CNKSR3: variants seen among roughly 807,000 people sequenced by gnomAD.
CNKSR3 encodes the protein connector enhancer of kinase suppressor of ras 3.
Under a neutral mutation model 67.7 loss-of-function variants are expected in CNKSR3, and 36 were observed. That is an observed-to-expected ratio of 0.53 (90% confidence interval 0.41 to 0.70). The LOEUF (loss-of-function observed/expected upper bound fraction) is 0.70, where lower values mean the gene tolerates loss of function less well. Ranked by LOEUF, CNKSR3 falls within the 30% of genes least tolerant of loss-of-function variation. The pLI, the probability that CNKSR3 is intolerant of heterozygous loss-of-function variation, is 0.00. For missense variants in CNKSR3, 630 were observed against 695.2 expected, an observed-to-expected ratio of 0.91 and a Z score of 1.05; for synonymous variants, 281 against 271.4, an observed-to-expected ratio of 1.04 and a Z score of -0.35.
chr6:154,420,625 C>T (rs1166175857), intron 9 of CNKSR3, among the ~76,000 whole-genome samples: 134 of 131,508 alleles, frequency 1.0e-3, no homozygotes, highest in African/African-American at 3.8e-3. Flanking sequence ...GGAGGCGGAG[C>T]TTGCAGTGAG....
At position 154,505,506 on chromosome 6, in the gene CNKSR3, T is replaced by A. The variant is rs549967551; in HGVS notation, c.52+4557A>T. On this transcript the variant is annotated intron_variant, in intron 1 of 12. Transcript: ENST00000607772. ...TTTATTATTATTATTATTTTTTTTT[T>A]TTTTTTTTTGAGACAGAGTCTCACT... Among the ~76,000 whole-genome samples, 1,079 of 149,224 alleles carry A rather than the reference T, an allele frequency of 7.2e-3. 16 individuals are homozygous for A. Among genetic ancestry groups the A allele is most frequent in the African/African-American group, 0.023 (950 of 40,998 alleles).
At chr6:154,442,044 C>T (rs1385753843) in intron 3 of CNKSR3, 44 bp downstream of exon 3, 1 of 1,518,106 alleles carries the variant, frequency 6.6e-7, no homozygotes, top group African/African-American at 1.4e-5. Flanking sequence ...AGCTTGGACT[C>T]TATCTACTCT....
At chr6:154,438,427 C>G (rs1237603773) in intron 4 of CNKSR3, among the ~76,000 whole-genome samples, 1 of 151,978 alleles carries the variant, frequency 6.6e-6, no homozygotes, top group African/African-American at 2.4e-5. Context: ...TTATGGTAAC[C>G]ATTTATCTTC....
At chr6:154,428,712 G>T (rs1256435729) in intron 6 of CNKSR3, among the ~76,000 whole-genome samples, 1 of 150,990 alleles carries the variant, frequency 6.6e-6, no homozygotes, top group Non-Finnish European at 1.5e-5. Context: ...ATAGAGAAAG[G>T]ATCTCACTAT....
intron 6 of CNKSR3, among the ~76,000 whole-genome samples, chr6:154,430,189 T>G (rs923666617): frequency 7.2e-5 from 11 of 152,202 alleles, no homozygotes; most frequent in Admixed American, 6.5e-4. Context: ...CTTTCCTTTG[T>G]GTAAGTGTTT....
intron 12 of CNKSR3, 85 bp downstream of exon 12, chr6:154,410,252 TTATAAC>T: frequency 2.3e-6 from 2 of 853,386 alleles, no homozygotes; most frequent in South Asian, 3.1e-5. Flanking sequence ...AGTCTACTTA[TTATAAC>T]ACATTTAGAA....
rs1784679621 is a variant in CNKSR3 at position 154,398,063 on chromosome 6, A to G, written c.*8291T>C. On this transcript the variant is annotated 3_prime_UTR_variant, in exon 13 of 13. Coordinates refer to ENST00000607772, the MANE Select transcript of CNKSR3 (RefSeq NM_173515.4). Reference sequence around the variant, plus strand: ...GCAGGTAAAATATGGCCACATATCCACACCTTCACAGGGCTCTGCCTGACA... The same window carrying G: ...GCAGGTAAAATATGGCCACATATCCGCACCTTCACAGGGCTCTGCCTGACA... 6.6e-6 allele frequency: 1 copy of G among 152,286 alleles called. No homozygotes were observed. The highest frequency in any genetic ancestry group is 2.4e-5 in the African/African-American group (1 of 41,474). 9.4% of individuals were successfully genotyped at this position (152,286 alleles called of 1,614,324 possible).
intron 7 of CNKSR3, among the ~76,000 whole-genome samples, chr6:154,423,513 C>T (rs1194457341): frequency 6.6e-6 from 1 of 152,196 alleles, no homozygotes; most frequent in East Asian, 1.9e-4. Flanking sequence ...CCACCTCAGC[C>T]TCCCAAAGTG....
intron 1 of CNKSR3, among the ~76,000 whole-genome samples, chr6:154,488,491 T>C (rs575451349): frequency 2.7e-4 from 41 of 152,346 alleles, no homozygotes; most frequent in African/African-American, 9.9e-4. Context: ...GAACATTACA[T>C]ATCAAGTTAA....
At chr6:154,407,722 G>A (rs1453713569) in intron 12 of CNKSR3, among the ~76,000 whole-genome samples, 1 of 151,934 alleles carries the variant, frequency 6.6e-6, no homozygotes, top group African/African-American at 2.4e-5. Flanking sequence ...AAAGTGTTGG[G>A]ATTAGAGGCA....
At chr6:154,454,104 C>CACACACACACACACAGAGAGAGAG (rs1268729108) in intron 1 of CNKSR3, among the ~76,000 whole-genome samples, 3 of 116,288 alleles carry the variant, frequency 2.6e-5, no homozygotes, top group African/African-American at 6.9e-5. Context: ...CACACACACA[C>CACACACACACACACAGAGAGAGAG]AGAGAGAGAG....
At chr6:154,509,552 A>C (rs1487679787) in intron 1 of CNKSR3, among the ~76,000 whole-genome samples, 1 of 151,860 alleles carries the variant, frequency 6.6e-6, no homozygotes, top group African/African-American at 2.4e-5. Context: ...CGCCTTCTCC[A>C]ACAAAAACAG....
chr6:154,431,397 C>T (rs545074364), intron 5 of CNKSR3, among the ~76,000 whole-genome samples: 15 of 145,500 alleles, frequency 1.0e-4, no homozygotes, highest in South Asian at 2.2e-4. Context: ...TAAGCCGAGT[C>T]GCACCACTGC....
chr6:154,422,779 G>A (rs1424160147), intron 8 of CNKSR3, 127 bp from the exon 9 acceptor site: 1 of 1,161,738 alleles, frequency 8.6e-7, no homozygotes, highest in Non-Finnish European at 1.3e-6. Context: ...GCAGGCGTAA[G>A]TATGCTCATG....
intron 1 of CNKSR3, among the ~76,000 whole-genome samples, chr6:154,480,042 GGGAA>G (rs1786534155): frequency 6.6e-6 from 1 of 152,162 alleles, no homozygotes; most frequent in South Asian, 2.1e-4. Context: ...ACAATTTTGG[GGGAA>G]GTAAACTTTC....
chr6:154,441,246 A>G, intron 4 of CNKSR3, 46 bp downstream of exon 4: 2 of 550,112 alleles, frequency 3.6e-6, no homozygotes, highest in Non-Finnish European at 5.2e-6. Flanking sequence ...GAAAAGCAAA[A>G]AAAAAAAAAA....
At chr6:154,502,556 G>A (rs996873215) in intron 1 of CNKSR3, among the ~76,000 whole-genome samples, 8 of 152,100 alleles carry the variant, frequency 5.3e-5, no homozygotes, top group Non-Finnish European at 8.8e-5. Context: ...GCAGAAACCA[G>A]GGACGGGACA....
Position 154,510,324 on chromosome 6 carries a change from A to G in CNKSR3, c.-210T>C. The G allele has an allele frequency of 1.8e-6, 1 of 566,868 alleles. No individual in the cohort carries two copies. The highest frequency in any genetic ancestry group is 2.1e-5 in the South Asian group (1 of 48,022). 35.1% of individuals were successfully genotyped at this position (566,868 alleles called of 1,614,324 possible). On this transcript the variant is annotated 5_prime_UTR_variant, in exon 1 of 13. Transcript: ENST00000607772. ...CCTCTCCCTCCAGCTGCCACAGTCC[A>G]GCTGCAGCTCCTCCTTCCCCCGCCG...
At chr6:154,455,135 C>T (rs1244547298) in intron 1 of CNKSR3, among the ~76,000 whole-genome samples, 9 of 151,092 alleles carry the variant, frequency 6.0e-5, no homozygotes, top group African/African-American at 2.2e-4. Context: ...CATGGTGAAA[C>T]CCCATCTCTA....
Sources: gnomAD v4.1 joint callset for allele counts (sites outside exome capture counted in the v4.1 genomes callset) on GRCh38, gnomAD v4.1.1 for gene constraint, MANE v1.5 for transcripts, NCBI Gene and HGNC (gene_info 2026-07-23, HGNC 2026-07-21) for gene names.